GCA: variants seen among roughly 807,000 people sequenced by gnomAD.
GCA encodes grancalcin, EF-hand calcium-binding protein.
In GCA, 30 loss-of-function variants were observed where a neutral mutation model predicts 32.6. The observed-to-expected ratio is 0.92, with a 90% CI of 0.69 to 1.25. The LOEUF (loss-of-function observed/expected upper bound fraction) is 1.25, where lower values mean the gene tolerates loss of function less well. Ranked by LOEUF, GCA falls within the 50% of genes most tolerant of loss-of-function variation. GCA has a pLI of 0.00. For synonymous variants in GCA, 102 were observed against 84.6 expected (o/e 1.21, Z -1.13); for missense variants, 291 against 266.8 (o/e 1.09, Z -0.63).
At chr2:162,348,203 G>A (rs1244754907) in intron 2 of GCA, among the ~76,000 whole-genome samples, 1 of 152,116 alleles carries the variant, frequency 6.6e-6, no homozygotes, top group Admixed American at 6.5e-5. Flanking sequence ...AGCTAAGTAG[G>A]TTTAGCCTGC....
intron 1 of GCA, among the ~76,000 whole-genome samples, chr2:162,332,378 T>A (rs973286045): frequency 1.4e-5 from 2 of 146,786 alleles, no homozygotes. Context: ...ATATATAAAT[T>A]ATATAATATA....
chr2:162,332,650 G>A (rs1233454513), intron 1 of GCA, among the ~76,000 whole-genome samples: 1 of 152,108 alleles, frequency 6.6e-6, no homozygotes, highest in Non-Finnish European at 1.5e-5. Flanking sequence ...ACTGAAGAAG[G>A]AAGTCCTAGA....
intron 3 of GCA, among the ~76,000 whole-genome samples, chr2:162,355,001 G>A (rs1196616896): frequency 6.6e-6 from 1 of 151,934 alleles, no homozygotes; most frequent in Non-Finnish European, 1.5e-5. Flanking sequence ...TCATTAATTC[G>A]GATTCTCCCA....
intron 3 of GCA, among the ~76,000 whole-genome samples, chr2:162,355,745 T>TC (rs1685232850): frequency 6.6e-6 from 1 of 151,474 alleles, no homozygotes; most frequent in East Asian, 1.9e-4. Context: ...TCCTTTTTTC[T>TC]CCCCCCAACC....
Position 162,359,153 on chromosome 2 carries a change from G to A in GCA, c.564G>A (p.Leu188=), listed in dbSNP as rs774374650. Residue 188 remains leucine, a synonymous_variant, in exon 6 of 8, where the codon TTG becomes TTA. Coordinates refer to ENST00000437150, the MANE Select transcript of GCA (RefSeq NM_012198.5). ...YVACCVKLRA[L]TDFFRKRDHL... is the part of the protein sequence containing the mutation. ...CTTGCTGTGTGAAGCTTCGAGCATT[G>A]ACAGGTATTGACTATTTAAAACTAA... 3.4e-5 allele frequency: 53 copies of A among 1,551,908 alleles called. No homozygotes were observed. The South Asian group carries it at 5.8e-4, about 17-fold the overall frequency.
chr2:162,355,784 G>C (rs573409674), intron 3 of GCA, among the ~76,000 whole-genome samples: 1 of 149,028 alleles, frequency 6.7e-6, no homozygotes, highest in African/African-American at 2.5e-5. Context: ...CTTCAATTCA[G>C]ATGCTCATTT....
At chr2:162,359,279 C>T in intron 6 of GCA, 122 bp downstream of exon 6, 1 of 678,272 alleles carries the variant, frequency 1.5e-6, no homozygotes, top group Non-Finnish European at 2.6e-6. Flanking sequence ...ACTGTTAAAT[C>T]TAATTAGTTT....
chr2:162,356,605 T>G, intron 4 of GCA, 124 bp downstream of exon 4: 1 of 864,108 alleles, frequency 1.2e-6, no homozygotes, highest in East Asian at 2.4e-5. Context: ...TGTAAGATCC[T>G]GTTTAAATTC....
chr2:162,347,555 C>A, intron 1 of GCA, 23 bp from the exon 2 acceptor site: 1 of 1,503,386 alleles, frequency 6.7e-7, no homozygotes, highest in Non-Finnish European at 9.1e-7. Flanking sequence ...TATTACTAAC[C>A]TTCTCCCCTT....
At position 162,347,680 on chromosome 2, in the gene GCA, T is replaced by C; in HGVS notation, c.130T>C (p.Ser44Pro). Residue 44 changes from serine (S) to proline (P), a missense_variant, in exon 2 of 8, where the codon TCA (serine) becomes CCA (proline). Transcript: ENST00000437150. ...LLDGYSGPAY[S>P]DTYSSAGDSV... is the part of the protein sequence containing the mutation. ...CGATGGATACTCTGGGCCAGCATAT[T>C]CAGACACTTATTCCTCAGCTGGTGA... is the stretch of plus-strand genomic sequence containing the variant. The C allele has an allele frequency of 6.2e-7, 1 of 1,609,818 alleles. No individual in the cohort carries two copies. Among genetic ancestry groups the C allele is most frequent in the South Asian group, 1.1e-5 (1 of 90,486 alleles).
At chr2:162,333,073 A>T (rs917437553) in intron 1 of GCA, among the ~76,000 whole-genome samples, 16 of 152,138 alleles carry the variant, frequency 1.1e-4, no homozygotes, top group African/African-American at 3.6e-4. Context: ...ACTGCCTCAT[A>T]TTTATATACA....
At chr2:162,372,173 T>TA, downstream of GCA, 1 of 1,188,432 alleles carries the variant, frequency 8.4e-7, no homozygotes, top group Admixed American at 2.4e-5. Context: ...AATAAAAACT[T>TA]AAGCATTTTC....
At chr2:162,322,887 T>G (rs1683734930) in intron 1 of GCA, among the ~76,000 whole-genome samples, 1 of 151,898 alleles carries the variant, frequency 6.6e-6, no homozygotes, top group Admixed American at 6.5e-5. Context: ...TGTGTCTTTA[T>G]AGCAGCAAGA....
In GCA at chr2:162,320,212, T is replaced by G. The variant is rs556969842; in HGVS notation, c.-31+987T>G. Among the ~76,000 whole-genome samples the G allele has an allele frequency of 2.0e-5, 3 of 152,322 alleles. No homozygotes were observed. The South Asian group carries it at 6.2e-4, about 32-fold the overall frequency. On this transcript the variant is annotated intron_variant, in intron 1 of 4. Transcript: ENST00000429691. ...TTGCAGGTAGGCCTGATTTATACTG[T>G]TCTTTTCTGTTTCTTCACAGAACCC...
At position 162,362,834 on chromosome 2, in the gene GCA, T is replaced by A. The variant is rs1685632680; in HGVS notation, c.*2591T>A. Among the ~76,000 whole-genome samples, 1 of 151,386 alleles carries A rather than the reference T, an allele frequency of 6.6e-6. No individual in the cohort carries two copies. The highest frequency in any genetic ancestry group is 1.5e-5 in the Non-Finnish European group (1 of 67,528). ...AAATCAATAGTATGGAAATCTTAATTTGGTCCACTTTAAATGTAATTTCAA... is the reference window on the plus strand; with the variant it reads ...AAATCAATAGTATGGAAATCTTAATATGGTCCACTTTAAATGTAATTTCAA... On this transcript the variant is annotated 3_prime_UTR_variant, in exon 8 of 8. Coordinates refer to ENST00000437150, the MANE Select transcript of GCA (RefSeq NM_012198.5).
At chr2:162,338,224 T>C (rs914398659) in intron 1 of GCA, among the ~76,000 whole-genome samples, 2 of 152,184 alleles carry the variant, frequency 1.3e-5, no homozygotes, top group African/African-American at 4.8e-5. Context: ...CCAATAATTG[T>C]ACATAAATAT....
chr2:162,372,162 T>TA (rs1685973638), downstream of GCA: 1 of 1,252,548 alleles, frequency 8.0e-7, no homozygotes, highest in African/African-American at 1.5e-5. Flanking sequence ...AAAATTACAC[T>TA]AATAAAAACT....
At position 162,360,365 on chromosome 2, in the gene GCA, T is replaced by C; in HGVS notation, c.*122T>C. ...CTTCCTACCTGTTAAACCTCTTCCC[T>C]TTCTGTGTGTTTTTATTTTAGCAGA... On this transcript the variant is annotated 3_prime_UTR_variant, in exon 8 of 8. Coordinates refer to ENST00000437150, the MANE Select transcript of GCA (RefSeq NM_012198.5). 2 of 1,393,160 alleles carry C rather than the reference T, an allele frequency of 1.4e-6. No individual in the cohort carries two copies. Among genetic ancestry groups the C allele is most frequent in the South Asian group, 3.6e-5 (2 of 55,788 alleles). The allele number at this position is 1,393,160 out of a possible 1,614,324, so 86.3% of individuals were successfully genotyped here. A position where few individuals can be genotyped will look rare whatever the true frequency, so the allele number is the denominator to read the frequency against.
At position 162,368,872 on chromosome 2, in the gene GCA, G is replaced by A. The variant is rs1376235160; in HGVS notation, c.366-2434G>A. 2.0e-5 allele frequency among the ~76,000 whole-genome samples: 3 copies of A among 152,066 alleles called. No homozygotes were observed. The South Asian group carries it at 6.2e-4, about 32-fold the overall frequency. On this transcript the variant is annotated intron_variant, in intron 4 of 4. Coordinates refer to the GCA transcript ENST00000414723. ...TGTGCTTCATCATTTCTTATTCCTG[G>A]TTTTCTCAACTGATTAAATAATGTG...
Sources: allele counts gnomAD v4.1 joint callset (sites outside exome capture counted in the v4.1 genomes callset), GRCh38; gene constraint gnomAD v4.1.1; transcripts MANE v1.5; gene names NCBI Gene and HGNC (gene_info 2026-07-23, HGNC 2026-07-21).